KAZN: variants seen among roughly 807,000 people sequenced by gnomAD.
KAZN encodes the protein kazrin, periplakin interacting protein.
A neutral mutation model predicts 87.4 loss-of-function variants in KAZN; 40 were observed. The ratio of observed to expected loss-of-function variants is 0.46; its 90% CI spans 0.36 to 0.60. KAZN has a LOEUF of 0.60. Among genes scored for constraint, KAZN ranks in the 20% least tolerant of loss-of-function variants. KAZN has a pLI of 0.00. For missense variants in KAZN, 898 were observed against 1,073.9 expected (o/e 0.84, Z 2.29); for synonymous variants, 466 against 458.3 (o/e 1.02, Z -0.22).
chr1:14,810,207 G>A (rs935279695), intron 1 of KAZN, among the ~76,000 whole-genome samples: 1 of 152,100 alleles, frequency 6.6e-6, no homozygotes, highest in African/African-American at 2.4e-5. Flanking sequence ...ATCATGGACT[G>A]GGAGGCCGAG....
chr1:14,130,995 G>A (rs1000980643), intron 1 of KAZN, among the ~76,000 whole-genome samples: 5 of 152,058 alleles, frequency 3.3e-5, no homozygotes, highest in African/African-American at 7.2e-5. Flanking sequence ...AGGTTTAATC[G>A]GCTCCTGGTT....
At chr1:14,510,893 A>G (rs1670866031) in intron 2 of KAZN, among the ~76,000 whole-genome samples, 1 of 152,174 alleles carries the variant, frequency 6.6e-6, no homozygotes, top group Admixed American at 6.5e-5. Flanking sequence ...ACTCTGAACA[A>G]TTCAAGAGCA....
At chr1:14,598,476 G>T (rs958442267), upstream of KAZN, among the ~76,000 whole-genome samples, 2 of 152,106 alleles carry the variant, frequency 1.3e-5, no homozygotes, top group African/African-American at 4.8e-5. This position sits in a 1 kb window ranked among gnomAD's most constrained non-coding sequence, Gnocchi z 4.2. Context: ...GGCCGGCCTC[G>T]GTCCAGGCGA....
chr1:13,894,324 A>T lies in KAZN; in HGVS notation c.91+568A>T, dbSNP rs11576840. Among the ~76,000 whole-genome samples the T allele has an allele frequency of 2.6e-4, 39 of 152,040 alleles. 1 individual carries two copies. Among genetic ancestry groups the T allele is most frequent in the Admixed American group, 1.0e-3 (16 of 15,286 alleles). ...CTTCCAAATGGCTCACGTTTTATAC[A>T]GAAGGGAAAGATTGGCATGGGCTGC... On this transcript the variant is annotated intron_variant, in intron 1 of 16. Coordinates refer to the KAZN transcript ENST00000636203.
At position 14,735,627 on chromosome 1, in the gene KAZN, C is replaced by T. The variant is rs1189432175; in HGVS notation, c.226+136404C>T. 1.3e-5 allele frequency among the ~76,000 whole-genome samples: 2 copies of T among 152,160 alleles called. No individual in the cohort carries two copies. The highest frequency in any genetic ancestry group is 4.8e-5 in the African/African-American group (2 of 41,434). On this transcript the variant is annotated intron_variant, in intron 1 of 14. Coordinates refer to ENST00000376030, the MANE Select transcript of KAZN (RefSeq NM_201628.3). This position sits in a 1 kb window ranked among gnomAD's most constrained non-coding sequence, Gnocchi z 4.3. ...TGAGATCCATATACCCAAACATCAG[C>T]GAGGCTGCCGTGAGAAGCAGCAGGA...
At chr1:14,848,873 C>T (rs563109125) in intron 1 of KAZN, among the ~76,000 whole-genome samples, 8 of 152,126 alleles carry the variant, frequency 5.3e-5, no homozygotes, top group Non-Finnish European at 1.0e-4. Flanking sequence ...GTCCTGGGAG[C>T]GCCTTGGAAA....
chr1:14,801,833 G>A (rs879862612), intron 1 of KAZN, among the ~76,000 whole-genome samples: 5 of 150,134 alleles, frequency 3.3e-5, no homozygotes, highest in African/African-American at 9.9e-5. Context: ...ACAGGCACCC[G>A]CCATCACGCC....
At chr1:15,051,529 A>T (rs939776303) in intron 4 of KAZN, among the ~76,000 whole-genome samples, 2 of 151,908 alleles carry the variant, frequency 1.3e-5, no homozygotes, top group African/African-American at 4.8e-5. Context: ...TGAAATAGAG[A>T]CTCTTTAATA....
intron 2 of KAZN, among the ~76,000 whole-genome samples, chr1:14,564,841 A>C (rs1236218810): frequency 6.6e-6 from 1 of 152,026 alleles, no homozygotes; most frequent in Non-Finnish European, 1.5e-5. Flanking sequence ...AAAGTAAAAT[A>C]AAAATAAAGT....
chr1:14,564,276 CA>C (rs2148533418), intron 2 of KAZN, among the ~76,000 whole-genome samples: 1 of 152,134 alleles, frequency 6.6e-6, no homozygotes, highest in East Asian at 1.9e-4. Context: ...ACTTTCTTTC[CA>C]GAATAAGAAA....
At chr1:14,896,435 T>C (rs1030306519) in intron 1 of KAZN, among the ~76,000 whole-genome samples, 12 of 152,354 alleles carry the variant, frequency 7.9e-5, no homozygotes, top group African/African-American at 2.6e-4. Context: ...TTTCACACTT[T>C]TCAAGCTTTG....
intron 2 of KAZN, among the ~76,000 whole-genome samples, chr1:14,362,333 T>C (rs1438483717): frequency 6.6e-6 from 1 of 152,252 alleles, no homozygotes; most frequent in African/African-American, 2.4e-5. Flanking sequence ...GTTTTTGTGA[T>C]ACGGCCTTCT....
chr1:14,692,118 G>A (rs1641351512), intron 1 of KAZN: 1 of 308,862 alleles, frequency 3.2e-6, no homozygotes, highest in African/African-American at 2.2e-5. Context: ...CCCTGTACAA[G>A]AAAAGTTTCA....
intron 2 of KAZN, among the ~76,000 whole-genome samples, chr1:14,498,679 A>G (rs1440589167): frequency 1.3e-5 from 2 of 152,084 alleles, no homozygotes; most frequent in Non-Finnish European, 2.9e-5. Context: ...GCGACAGAGC[A>G]AGACTCTGTC....
rs114388671 is a variant in KAZN at position 14,506,106 on chromosome 1, A to T, written c.250-92877A>T. Among the ~76,000 whole-genome samples, 778 of 152,346 alleles carry T rather than the reference A, an allele frequency of 5.1e-3. 9 individuals carry two copies. Among genetic ancestry groups the T allele is most frequent in the African/African-American group, 0.018 (740 of 41,578 alleles). On this transcript the variant is annotated intron_variant, in intron 2 of 16. Coordinates refer to the KAZN transcript ENST00000636203. ...ATGTATATTTTACAACAACAAAAAA[A>T]TTACATAAAAAGTGACCTAGAGGGT...
At chr1:14,858,200 T>TTC (rs1650365197) in intron 1 of KAZN, among the ~76,000 whole-genome samples, 2 of 124,078 alleles carry the variant, frequency 1.6e-5, no homozygotes, top group African/African-American at 3.6e-5. Flanking sequence ...TTTTTTCTTT[T>TTC]TTCTTTTTCT....
intron 1 of KAZN, among the ~76,000 whole-genome samples, chr1:14,731,777 G>A (rs979053468): frequency 6.6e-6 from 1 of 152,220 alleles, no homozygotes; most frequent in Non-Finnish European, 1.5e-5. Context: ...GTGAGTCTCA[G>A]GTCTGTTCGG....
intron 2 of KAZN, among the ~76,000 whole-genome samples, chr1:14,967,384 T>C (rs1253745323): frequency 6.6e-6 from 1 of 152,162 alleles, no homozygotes; most frequent in Non-Finnish European, 1.5e-5. Context: ...AGGTTCAGTC[T>C]CCGCATCCTC....
chr1:14,388,912 A>G (rs1165289272), intron 2 of KAZN, among the ~76,000 whole-genome samples: 1 of 152,184 alleles, frequency 6.6e-6, no homozygotes, highest in African/African-American at 2.4e-5. Context: ...GTGAATAGAA[A>G]ACCCACAGAA....
Sources: gnomAD v4.1 joint callset for allele counts (sites outside exome capture counted in the v4.1 genomes callset) on GRCh38, gnomAD v4.1.1 for gene constraint, Gnocchi (gnomAD v3.1) non-coding constraint, MANE v1.5 for transcripts, NCBI Gene and HGNC (gene_info 2026-07-23, HGNC 2026-07-21) for gene names.